The following CDK14 variants were observed in gnomAD, a reference collection of about 807,000 sequenced individuals.
CDK14 encodes cyclin-dependent kinase 14.
Under a neutral mutation model 60.7 loss-of-function variants are expected in CDK14, and 34 were observed. The ratio of observed to expected loss-of-function variants is 0.56; its 90% CI spans 0.43 to 0.75. The LOEUF (loss-of-function observed/expected upper bound fraction) is 0.75. Among genes scored for constraint, CDK14 ranks in the 30% least tolerant of loss-of-function variants. The probability of loss-of-function intolerance (pLI) is 0.00; values close to 1 mark genes in which losing one functional copy is unlikely to be tolerated. For synonymous variants in CDK14, 197 were observed against 203.7 expected (o/e 0.97, Z 0.28); for missense variants, 482 against 564.1 (o/e 0.85, Z 1.47).
intron 4 of CDK14, among the ~76,000 whole-genome samples, chr7:90,750,082 C>A (rs1803762256): frequency 6.8e-6 from 1 of 147,314 alleles, no homozygotes; most frequent in African/African-American, 2.5e-5. Flanking sequence ...AGAAGCAAAG[C>A]CAAAAGATCC....
intron 10 of CDK14, among the ~76,000 whole-genome samples, chr7:91,019,428 G>T (rs1698479423): frequency 1.3e-5 from 2 of 152,084 alleles, no homozygotes; most frequent in Non-Finnish European, 1.5e-5. Context: ...AATAATACAT[G>T]ATTTTAAAGT....
intron 4 of CDK14, among the ~76,000 whole-genome samples, chr7:90,770,570 ATATCACAT>A (rs1804744743): frequency 6.6e-6 from 1 of 152,238 alleles, no homozygotes; most frequent in South Asian, 2.1e-4. Context: ...GCAAGATCAA[ATATCACAT>A]TACTTAACTG....
At chr7:90,907,720 C>T (rs1792757514) in intron 7 of CDK14, among the ~76,000 whole-genome samples, 1 of 152,044 alleles carries the variant, frequency 6.6e-6, no homozygotes, top group Admixed American at 6.6e-5. Context: ...TCTTATTTTT[C>T]ATTTCAATAG....
chr7:90,837,619 G>T (rs1416007380), intron 5 of CDK14, among the ~76,000 whole-genome samples: 1 of 152,142 alleles, frequency 6.6e-6, no homozygotes, highest in Non-Finnish European at 1.5e-5. Flanking sequence ...TATCTCTGTG[G>T]GGAGAAAGAC....
chr7:90,925,216 G>GCGGCTTT (rs1295490965), intron 8 of CDK14, among the ~76,000 whole-genome samples: 1 of 152,144 alleles, frequency 6.6e-6, no homozygotes, highest in African/African-American at 2.4e-5. Context: ...AAAGGATACT[G>GCGGCTTT]ATATAAAAAT....
chr7:90,985,793 CAT>C (rs1035792802), intron 10 of CDK14, among the ~76,000 whole-genome samples: 2 of 152,168 alleles, frequency 1.3e-5, no homozygotes, highest in Non-Finnish European at 2.9e-5. Flanking sequence ...AAGTCCCTAA[CAT>C]AGAAACCATC....
At chr7:91,111,639 A>G (rs1799470728) in intron 12 of CDK14, among the ~76,000 whole-genome samples, 1 of 152,186 alleles carries the variant, frequency 6.6e-6, no homozygotes, top group South Asian at 2.1e-4. Flanking sequence ...TTCCACCACT[A>G]CAAAATAGCA....
chr7:90,651,219 A>G (rs17866179), intron 2 of CDK14, among the ~76,000 whole-genome samples: 7,220 of 152,234 alleles, frequency 0.047, 203 homozygotes, highest in Non-Finnish European at 0.055. Context: ...CTTTGAAGCA[A>G]TTGTGAATGG....
At chr7:90,834,739 G>T (rs1790034993) in intron 5 of CDK14, among the ~76,000 whole-genome samples, 1 of 152,116 alleles carries the variant, frequency 6.6e-6, no homozygotes, top group African/African-American at 2.4e-5. Flanking sequence ...GCCAAATTCT[G>T]GGTTTTATTT....
chr7:90,826,791 T>C (rs529738067), intron 5 of CDK14, among the ~76,000 whole-genome samples: 1 of 152,296 alleles, frequency 6.6e-6, no homozygotes, highest in South Asian at 2.1e-4. Flanking sequence ...TTCTTTTCCC[T>C]GGCACACAGT....
chr7:90,898,555 A>G (rs1301562416), intron 6 of CDK14, among the ~76,000 whole-genome samples: 5 of 152,090 alleles, frequency 3.3e-5, no homozygotes, highest in African/African-American at 1.2e-4. Context: ...ATAAAATAAT[A>G]AAAATGTGAA....
chr7:90,986,220 C>T (rs1795368581), intron 10 of CDK14, among the ~76,000 whole-genome samples: 1 of 152,032 alleles, frequency 6.6e-6, no homozygotes, highest in Admixed American at 6.5e-5. Flanking sequence ...ACATTATTTA[C>T]TTAACCAGCC....
At chr7:90,962,690 C>G (rs1389248694) in intron 9 of CDK14, among the ~76,000 whole-genome samples, 1 of 152,022 alleles carries the variant, frequency 6.6e-6, no homozygotes, top group African/African-American at 2.4e-5. Context: ...AAAAATTTCC[C>G]CATTTTAAAT....
At chr7:90,658,993 T>G (rs1055064430) in intron 2 of CDK14, among the ~76,000 whole-genome samples, 8 of 152,150 alleles carry the variant, frequency 5.3e-5, no homozygotes, top group African/African-American at 1.9e-4. Flanking sequence ...TAAAGAACAA[T>G]AGTGTGTCTG....
At chr7:91,130,463 G>GGGGT (rs1800082474) in intron 14 of CDK14, among the ~76,000 whole-genome samples, 1 of 152,064 alleles carries the variant, frequency 6.6e-6, no homozygotes. Flanking sequence ...AGAGTCTTAA[G>GGGGT]GGGTCCTAAG....
intron 2 of CDK14, among the ~76,000 whole-genome samples, chr7:90,622,913 C>CT (rs928149232): frequency 3.7e-5 from 5 of 134,868 alleles, no homozygotes; most frequent in Admixed American, 7.4e-5. Flanking sequence ...TGTTTTCTTT[C>CT]TTTTTTTTTC....
At chr7:91,013,844 C>G (rs1312161780) in intron 10 of CDK14, among the ~76,000 whole-genome samples, 1 of 151,814 alleles carries the variant, frequency 6.6e-6, no homozygotes, top group Non-Finnish European at 1.5e-5. Context: ...TAGCTTTGCA[C>G]AGGAGGGAAT....
At chr7:90,690,854 G>T (rs1042340723) in intron 2 of CDK14, among the ~76,000 whole-genome samples, 4 of 152,088 alleles carry the variant, frequency 2.6e-5, no homozygotes, top group African/African-American at 9.7e-5. Context: ...AAAAGAATAA[G>T]AATGAAAACA....
chr7:90,894,737 G>A (rs1176494137), intron 6 of CDK14, among the ~76,000 whole-genome samples: 1 of 152,044 alleles, frequency 6.6e-6, no homozygotes, highest in Non-Finnish European at 1.5e-5. Flanking sequence ...TGCAAAGTTG[G>A]CATTCTATAA....
Sources: allele counts gnomAD v4.1 joint callset (sites outside exome capture counted in the v4.1 genomes callset), GRCh38; gene constraint gnomAD v4.1.1; transcripts MANE v1.5; gene names NCBI Gene and HGNC (gene_info 2026-07-23, HGNC 2026-07-21).